The following PTPN14 variants were observed in gnomAD, a reference collection of about 807,000 sequenced individuals.
PTPN14 encodes tyrosine-protein phosphatase non-receptor type 14.
In PTPN14, 53 loss-of-function variants were observed where a neutral mutation model predicts 126.8. The ratio of observed to expected loss-of-function variants is 0.42; its 90% CI spans 0.34 to 0.53. The LOEUF (loss-of-function observed/expected upper bound fraction) is 0.53. Ranked by LOEUF, PTPN14 falls within the 20% of genes least tolerant of loss-of-function variation. The probability of loss-of-function intolerance (pLI) is 0.08; values close to 1 mark genes in which losing one functional copy is unlikely to be tolerated. For synonymous variants in PTPN14, 630 were observed against 599.3 expected (o/e 1.05, Z -0.75); for missense variants, 1,257 against 1,552.9 (o/e 0.81, Z 3.20).
At chr1:214,422,785 G>A (rs1252676224) in intron 3 of PTPN14, among the ~76,000 whole-genome samples, 1 of 152,080 alleles carries the variant, frequency 6.6e-6, no homozygotes, top group Non-Finnish European at 1.5e-5. Context: ...TCTGTGAATG[G>A]GCACAAGTTC....
chr1:214,352,595 AAAGAC>A lies in PTPN14; in HGVS notation c.*5322_*5326del, dbSNP rs1373117854. 1 of 152,240 alleles carries A rather than the reference AAAGAC, an allele frequency of 6.6e-6. No homozygotes were observed. Among genetic ancestry groups the A allele is most frequent in the Non-Finnish European group, 1.5e-5 (1 of 68,040 alleles). The allele number at this position is 152,240 out of a possible 1,614,324, so 9.4% of individuals were successfully genotyped here. A position where few individuals can be genotyped will look rare whatever the true frequency, so the allele number is the denominator to read the frequency against. ...CCCAAAATGTCTTAGAAGCTTAAGT[AAAGAC>A]AAGAACTATTTTGCTTCCTTGCTCA... On this transcript the variant is annotated 3_prime_UTR_variant, in exon 19 of 19. Coordinates refer to ENST00000366956, the MANE Select transcript of PTPN14 (RefSeq NM_005401.5).
chr1:214,372,751 T>C lies in PTPN14; in HGVS notation c.2996A>G (p.Glu999Gly). The C allele has an allele frequency of 6.2e-7, 1 of 1,614,076 alleles. No individual in the cohort carries two copies. Among genetic ancestry groups the C allele is most frequent in the Non-Finnish European group, 8.5e-7 (1 of 1,179,990 alleles). Reference sequence around the variant, plus strand: ...CATGGCAATCACATTCACTCCCTGCTCCCACACCATCTGCCAGAAGTCGTG... The same window carrying C: ...CATGGCAATCACATTCACTCCCTGCCCCCACACCATCTGCCAGAAGTCGTG... ...TCHDFWQMVW[E>G]QGVNVIAMVT... Residue 999 changes from glutamate (E) to glycine (G), a missense_variant, in exon 16 of 19, where the codon GAG becomes GGG. Physicochemically the swap from Glu to Gly is moderately conservative, Grantham distance 98 (BLOSUM62 -2). Transcript: ENST00000366956.
chr1:214,525,211 A>G (rs1245991734), intron 1 of PTPN14, among the ~76,000 whole-genome samples: 1 of 152,202 alleles, frequency 6.6e-6, no homozygotes, highest in Non-Finnish European at 1.5e-5. Flanking sequence ...GTACAACAGA[A>G]TATGTATCTT....
intron 1 of PTPN14, among the ~76,000 whole-genome samples, chr1:214,519,806 T>C (rs897839250): frequency 1.3e-5 from 2 of 151,912 alleles, no homozygotes; most frequent in African/African-American, 4.8e-5. Flanking sequence ...TCCTAGCACT[T>C]TGGGAGGCCA....
intron 1 of PTPN14, chr1:214,532,333 A>C (rs6665957): frequency 0.3 from 162,880 of 536,338 alleles, 31,360 homozygotes; most frequent in African/African-American, 0.69. Flanking sequence ...GTGTCCTGCT[A>C]CACCAGCTTC....
intron 1 of PTPN14, among the ~76,000 whole-genome samples, chr1:214,504,483 C>T (rs1654784496): frequency 6.6e-6 from 1 of 152,268 alleles, no homozygotes; most frequent in South Asian, 2.1e-4. Context: ...ATCATTTTCC[C>T]GTAGCTGTCA....
At chr1:214,437,232 A>C (rs1337352627) in intron 3 of PTPN14, among the ~76,000 whole-genome samples, 2 of 128,236 alleles carry the variant, frequency 1.6e-5, no homozygotes, top group Non-Finnish European at 1.6e-5. Flanking sequence ...AAATATCAAT[A>C]AATCAGACAG....
At chr1:214,530,337 C>CTTTTTTTTTTTT (rs1219471589) in intron 1 of PTPN14, 6 of 129,080 alleles carry the variant, frequency 4.6e-5, no homozygotes, top group African/African-American at 1.5e-4. Context: ...CTTTTCTTTT[C>CTTTTTTTTTTTT]TTTTTTTTTT....
intron 13 of PTPN14, among the ~76,000 whole-genome samples, chr1:214,379,263 C>T (rs1196470177): frequency 1.3e-5 from 2 of 152,156 alleles, no homozygotes; most frequent in Admixed American, 6.5e-5. Flanking sequence ...TCTTTTCAAG[C>T]CTTGAGAGAC....
intron 7 of PTPN14, among the ~76,000 whole-genome samples, chr1:214,401,111 C>T (rs953706218): frequency 2.6e-5 from 4 of 152,076 alleles, no homozygotes; most frequent in African/African-American, 7.2e-5. Context: ...CATGACCCCC[C>T]CAACCACACC....
In PTPN14 at chr1:214,505,313, A is replaced by AG. The variant is rs373148737; in HGVS notation, c.-154-40357dup. Reference sequence around the variant, plus strand: ...GAAAGGGAACACCCAGGGAAGCAGGAGAAACATCTCGAGCAGGGGACTACC... The same window carrying AG: ...GAAAGGGAACACCCAGGGAAGCAGGAGGAAACATCTCGAGCAGGGGACTACC... On this transcript the variant is annotated intron_variant, in intron 1 of 18. Transcript: ENST00000366956. Among the ~76,000 whole-genome samples the AG allele has an allele frequency of 4.6e-3, 704 of 152,316 alleles. 4 individuals carry two copies. The highest frequency in any genetic ancestry group is 0.016 in the African/African-American group (663 of 41,570).
rs558145919 is a variant in PTPN14, at chr1:214,455,547, G to A, written c.175-3573C>T. Among the ~76,000 whole-genome samples the A allele has an allele frequency of 2.5e-4, 38 of 152,160 alleles. No individual in the cohort carries two copies. In the South Asian group the frequency reaches 7.7e-3, roughly 31 times the overall value. On this transcript the variant is annotated intron_variant, in intron 2 of 18. Coordinates refer to ENST00000366956, the MANE Select transcript of PTPN14 (RefSeq NM_005401.5). ...TAAGAAAACTAGAACACACAGCTCTGGTGCCATGAGTTCTGCAATAAGTTT... is the reference window on the plus strand; with the variant it reads ...TAAGAAAACTAGAACACACAGCTCTAGTGCCATGAGTTCTGCAATAAGTTT...
At chr1:214,454,199 C>T (rs1261919542) in intron 2 of PTPN14, among the ~76,000 whole-genome samples, 1 of 152,114 alleles carries the variant, frequency 6.6e-6, no homozygotes, top group African/African-American at 2.4e-5. Context: ...AGTGGAGAAA[C>T]AGAGGGCAAC....
At chr1:214,534,753 A>C (rs926517191) in intron 1 of PTPN14, among the ~76,000 whole-genome samples, 2 of 152,190 alleles carry the variant, frequency 1.3e-5, no homozygotes, top group Admixed American at 6.5e-5. Flanking sequence ...AGACGGAATT[A>C]TTGATCCCGA....
intron 5 of PTPN14, among the ~76,000 whole-genome samples, chr1:214,408,859 A>G (rs1413298596): frequency 1.3e-5 from 2 of 152,164 alleles, no homozygotes; most frequent in Non-Finnish European, 2.9e-5. Flanking sequence ...GGAGAAGCTC[A>G]GTACGTTCAG....
chr1:214,456,538 T>C (rs1047903524), intron 2 of PTPN14, among the ~76,000 whole-genome samples: 2 of 152,140 alleles, frequency 1.3e-5, no homozygotes, highest in African/African-American at 4.8e-5. Flanking sequence ...AACTGACACA[T>C]CTATAATTAA....
chr1:214,429,828 G>C (rs985202807), intron 3 of PTPN14, among the ~76,000 whole-genome samples: 3 of 152,114 alleles, frequency 2.0e-5, no homozygotes, highest in Non-Finnish European at 4.4e-5. Flanking sequence ...AGTACTAAAG[G>C]TAGATACATT....
rs1411763629 is a variant in PTPN14 at position 214,349,056 on chromosome 1, G to C, written c.*8866C>G. 1 of 152,136 alleles carries C rather than the reference G, an allele frequency of 6.6e-6. No individual in the cohort carries two copies. Among genetic ancestry groups the C allele is most frequent in the African/African-American group, 2.4e-5 (1 of 41,434 alleles). The allele number at this position is 152,136 out of a possible 1,614,324, so 9.4% of individuals were successfully genotyped here. On this transcript the variant is annotated 3_prime_UTR_variant, in exon 19 of 19. Coordinates refer to ENST00000366956, the MANE Select transcript of PTPN14 (RefSeq NM_005401.5). ...AGGGAGTCTATACCAAAGTACAGTT[G>C]ACATGAATAGTGATAAAAATCACTC... is the stretch of plus-strand genomic sequence containing the variant.
At chr1:214,430,546 T>C (rs1462688174) in intron 3 of PTPN14, among the ~76,000 whole-genome samples, 1 of 152,190 alleles carries the variant, frequency 6.6e-6, no homozygotes, top group Admixed American at 6.5e-5. Flanking sequence ...TCCAATCAGT[T>C]GAAGGTCTTA....
Sources: allele counts gnomAD v4.1 joint callset (sites outside exome capture counted in the v4.1 genomes callset), GRCh38; gene constraint gnomAD v4.1.1; transcripts MANE v1.5; gene names NCBI Gene and HGNC (gene_info 2026-07-23, HGNC 2026-07-21).